The following ZNF268 variants were observed in gnomAD, a reference collection of about 807,000 sequenced individuals.
ZNF268 encodes zinc finger protein 268, also known as zinc finger protein 3.
In ZNF268, 20 loss-of-function variants were observed where a neutral mutation model predicts 29.3. The observed-to-expected ratio is 0.68, with a 90% confidence interval of 0.48 to 0.99. ZNF268 has a LOEUF of 0.99. Among genes scored for constraint, ZNF268 ranks in the 50% least tolerant of loss-of-function variants. The probability of loss-of-function intolerance (pLI) is 0.00; values close to 1 mark genes in which losing one functional copy is unlikely to be tolerated. For missense variants in ZNF268, 1,240 were observed against 1,121.6 expected (o/e 1.11, Z -1.51); for synonymous variants, 429 against 376.9 (o/e 1.14, Z -1.60).
rs1241043698 is a variant in ZNF268 at position 133,207,035 on chromosome 12, C to T, written c.*2505C>T. On this transcript the variant is annotated 3_prime_UTR_variant, in exon 6 of 6. Coordinates refer to ENST00000536435, the MANE Select transcript of ZNF268 (RefSeq NM_003415.3). ...GAAGTGTTGACAGTATTGAGGACAG[C>T]ACTCACATACTGTGGGAAAGAATAA... The T allele has an allele frequency of 6.6e-6, 1 of 152,172 alleles. No individual in the cohort carries two copies. The allele number at this position is 152,172 out of a possible 1,614,324, so 9.4% of individuals were successfully genotyped here.
intron 2 of ZNF268, among the ~76,000 whole-genome samples, chr12:133,182,840 C>T (rs1178401231): frequency 1.3e-5 from 2 of 152,116 alleles, no homozygotes; most frequent in African/African-American, 4.8e-5. Context: ...AGCCGTAGGC[C>T]TAAGATCATA....
At position 133,202,783 on chromosome 12, in the gene ZNF268, G is replaced by T. The variant is rs769826738; in HGVS notation, c.1097G>T (p.Gly366Val). ...GENPYECCECGKVFSRKDQLV... is the reference protein window; with the variant it reads ...GENPYECCECVKVFSRKDQLV... Reference sequence around the variant, plus strand: ...AATCCCTATGAGTGCTGTGAATGTGGGAAAGTCTTCAGTAGGAAAGACCAG... The same window carrying T: ...AATCCCTATGAGTGCTGTGAATGTGTGAAAGTCTTCAGTAGGAAAGACCAG... Residue 366 changes from glycine to valine, a missense_variant, in exon 6 of 6, where the codon GGG (glycine) becomes GTG (valine). Gly to Val is a moderately radical substitution (Grantham distance 109, BLOSUM62 -3). Around this residue, in one of 3 missense-constraint regions of ZNF268, gnomAD observed 1,177 missense variants for 1,039.6 expected, o/e 1.13. Coordinates refer to ENST00000536435, the MANE Select transcript of ZNF268 (RefSeq NM_003415.3). 3.1e-6 allele frequency: 5 copies of T among 1,610,090 alleles called. No homozygotes were observed. In the Admixed American group the frequency reaches 8.4e-5, roughly 27 times the overall value.
rs1430260242 is a variant in ZNF268, at chr12:133,206,324, A to T, written c.*1794A>T. ...GAAATGGATAAGTTGTCATTGAAAA[A>T]TTTTAAACAGAATTCTGGAGTGGTC... is the stretch of plus-strand genomic sequence containing the variant. On this transcript the variant is annotated 3_prime_UTR_variant, in exon 6 of 6. Transcript: ENST00000536435. 2.0e-5 allele frequency: 3 copies of T among 152,226 alleles called. No homozygotes were observed. Among genetic ancestry groups the T allele is most frequent in the African/African-American group, 7.2e-5 (3 of 41,460 alleles). The allele number at this position is 152,226 out of a possible 1,614,324, so 9.4% of individuals were successfully genotyped here.
In ZNF268 at chr12:133,213,648, A is replaced by G. The variant is rs1435770495; in HGVS notation, c.*9118A>G. 6.8e-6 allele frequency: 1 copy of G among 146,916 alleles called. No individual in the cohort carries two copies. Among genetic ancestry groups the G allele is most frequent in the Non-Finnish European group, 1.5e-5 (1 of 67,514 alleles). The allele number at this position is 146,916 out of a possible 1,614,324, so 9.1% of individuals were successfully genotyped here. A position where few individuals can be genotyped will look rare whatever the true frequency, so the allele number is the denominator to read the frequency against. Reference sequence around the variant, plus strand: ...GAGGTGGAGGTTGCAGTGAGCCGAGATCATGCTACTGCACTCCAGCCCAGG... The same window carrying G: ...GAGGTGGAGGTTGCAGTGAGCCGAGGTCATGCTACTGCACTCCAGCCCAGG... On this transcript the variant is annotated 3_prime_UTR_variant, in exon 6 of 6. Coordinates refer to ENST00000536435, the MANE Select transcript of ZNF268 (RefSeq NM_003415.3).
Position 133,202,928 on chromosome 12 carries a change from A to C in ZNF268, c.1242A>C (p.Lys414Asn). 1 of 1,545,692 alleles carries C rather than the reference A, an allele frequency of 6.5e-7. No homozygotes were observed. Among genetic ancestry groups the C allele is most frequent in the Non-Finnish European group, 8.7e-7 (1 of 1,149,784 alleles). The change falls in exon 6 of 6, where the codon AAA becomes AAC. Residue 414 changes from lysine to asparagine, a missense_variant. Transcript: ENST00000536435. ...IIHERIHTGE[K>N]PYECNECQKA... ...ATGAAAGAATTCATACAGGAGAGAA[A>C]CCATATGAATGCAATGAATGTCAGA...
chr12:133,183,220 T>C (rs1956222093), intron 2 of ZNF268, among the ~76,000 whole-genome samples: 1 of 151,988 alleles, frequency 6.6e-6, no homozygotes, highest in Non-Finnish European at 1.5e-5. Flanking sequence ...TTGGGGACTG[T>C]TGGTATAGGG....
intron 5 of ZNF268, among the ~76,000 whole-genome samples, chr12:133,201,094 T>A (rs1163663601): frequency 2.6e-5 from 4 of 152,148 alleles, no homozygotes; most frequent in African/African-American, 9.6e-5. Context: ...TATTTTTGTT[T>A]CTAAATTTGT....
In ZNF268 at chr12:133,206,868, ATAT is replaced by A. The variant is rs1956907401; in HGVS notation, c.*2346_*2348del. On this transcript the variant is annotated 3_prime_UTR_variant, in exon 6 of 6. Transcript: ENST00000536435. ...AATCTGGGAAATACTGTAAAGGTGTATATTATTATTGATGTACCAAAGAAGACA... is the reference window on the plus strand; with the variant it reads ...AATCTGGGAAATACTGTAAAGGTGTATATTATTGATGTACCAAAGAAGACA... 2 of 152,216 alleles carry A rather than the reference ATAT, an allele frequency of 1.3e-5. No homozygotes were observed. Among genetic ancestry groups the A allele is most frequent in the African/African-American group, 2.4e-5 (1 of 41,462 alleles). The allele number at this position is 152,216 out of a possible 1,614,324, so 9.4% of individuals were successfully genotyped here. A position where few individuals can be genotyped will look rare whatever the true frequency, so the allele number is the denominator to read the frequency against.
At chr12:133,181,896 GT>G in intron 1 of ZNF268, 49 bp from the exon 2 acceptor site, 1 of 1,335,640 alleles carries the variant, frequency 7.5e-7, no homozygotes. Context: ...CCCCCTCTGG[GT>G]TTGGGGACTG....
intron 5 of ZNF268, 103 bp downstream of exon 5, chr12:133,192,106 A>AAT: frequency 1.3e-5 from 10 of 768,934 alleles, no homozygotes; most frequent in Non-Finnish European, 1.9e-5. Context: ...ATTACCATGC[A>AAT]CTTTTTTTTT....
chr12:133,192,647 A>G (rs1468941562), intron 5 of ZNF268, among the ~76,000 whole-genome samples: 1 of 150,696 alleles, frequency 6.6e-6, no homozygotes, highest in African/African-American at 2.4e-5. Context: ...AGTAGATTCT[A>G]CCCCTTTTGT....
In ZNF268 at chr12:133,210,990, G is replaced by C; in HGVS notation, c.*6460G>C. ...GTGAACCCCTGAAATTCAATCTTAC[G>C]ATTTTCCATGCCATAATTTTGGAAA... On this transcript the variant is annotated 3_prime_UTR_variant, in exon 6 of 6. Transcript: ENST00000536435. 1 of 455,934 alleles carries C rather than the reference G, an allele frequency of 2.2e-6. No individual in the cohort carries two copies. Among genetic ancestry groups the C allele is most frequent in the South Asian group, 1.5e-5 (1 of 64,554 alleles). The allele number at this position is 455,934 out of a possible 1,614,324, so 28.2% of individuals were successfully genotyped here.
intron 5 of ZNF268, among the ~76,000 whole-genome samples, chr12:133,199,592 A>G (rs985675296): frequency 1.5e-4 from 23 of 151,688 alleles, no homozygotes; most frequent in African/African-American, 5.1e-4. Flanking sequence ...TATTGATTGG[A>G]ATAGTTTCAG....
chr12:133,210,226 C>T lies in ZNF268; in HGVS notation c.*5696C>T, dbSNP rs1303763819. The T allele has an allele frequency of 6.6e-6, 1 of 152,650 alleles. No individual in the cohort carries two copies. Among genetic ancestry groups the T allele is most frequent in the African/African-American group, 2.4e-5 (1 of 41,454 alleles). The allele number at this position is 152,650 out of a possible 1,614,324, so 9.5% of individuals were successfully genotyped here. ...GGTCCGGAAAGTGCACTGGTCGTCA[C>T]TGTGGGTGTACCCTACAGGAGTCTT... On this transcript the variant is annotated 3_prime_UTR_variant, in exon 6 of 6. Transcript: ENST00000536435.
At chr12:133,189,413 C>G (rs1050679649) in intron 3 of ZNF268, among the ~76,000 whole-genome samples, 1 of 152,002 alleles carries the variant, frequency 6.6e-6, no homozygotes, top group Non-Finnish European at 1.5e-5. Context: ...CAGGGTTTCA[C>G]CATGTTGGCC....
intron 5 of ZNF268, among the ~76,000 whole-genome samples, chr12:133,201,535 T>C (rs944674321): frequency 2.0e-5 from 3 of 152,118 alleles, no homozygotes; most frequent in Non-Finnish European, 4.4e-5. Flanking sequence ...TAATTTTTGT[T>C]ACATTGTAGA....
rs750819157 is a variant in ZNF268 at position 133,204,247 on chromosome 12, A to G, written c.2561A>G (p.His854Arg). 6.5e-6 allele frequency: 10 copies of G among 1,545,666 alleles called. No homozygotes were observed. The highest frequency in any genetic ancestry group is 1.2e-5 in the South Asian group (1 of 84,472). The stretch of plus-strand genomic sequence containing the variant: ...AGTGGGAAATTACGCCTTCTTGTAC[A>G]CCAGAGAATGCACACAAGAGAGAAA... ...SFSGKLRLLV[H>R]QRMHTREKPY... is the part of the protein sequence containing the mutation. The change falls in exon 6 of 6, where the codon CAC becomes CGC. Residue 854 changes from histidine (H) to arginine (R), a missense_variant. Physicochemically the swap from His to Arg is conservative, Grantham distance 29. This residue lies in a region of ZNF268 where 1,177 missense variants were observed against 1,039.6 expected (regional missense o/e 1.13). Transcript: ENST00000536435.
chr12:133,204,222 A>G lies in ZNF268; in HGVS notation c.2536A>G (p.Ser846Gly). The G allele has an allele frequency of 6.5e-7, 1 of 1,541,500 alleles. No homozygotes were observed. Among genetic ancestry groups the G allele is most frequent in the East Asian group, 2.4e-5 (1 of 40,960 alleles). The change falls in exon 6 of 6, where the codon AGT becomes GGT. Residue 846 changes from serine (S) to glycine (G), a missense_variant. Around this residue, in one of 3 missense-constraint regions of ZNF268, gnomAD observed 1,177 missense variants for 1,039.6 expected, o/e 1.13. Coordinates refer to ENST00000536435, the MANE Select transcript of ZNF268 (RefSeq NM_003415.3). ...YKCSQCEKSF[S>G]GKLRLLVHQR... ...ATGCAGTCAATGTGAGAAATCCTTC[A>G]GTGGGAAATTACGCCTTCTTGTACA...
intron 3 of ZNF268, among the ~76,000 whole-genome samples, chr12:133,189,354 A>G (rs1387801609): frequency 6.6e-6 from 1 of 151,538 alleles, no homozygotes; most frequent in African/African-American, 2.4e-5. Flanking sequence ...AGCTGGGACT[A>G]CAGGTGCGCA....
Sources: allele counts gnomAD v4.1 joint callset (sites outside exome capture counted in the v4.1 genomes callset), GRCh38; gene constraint gnomAD v4.1.1; regional missense constraint gnomAD v4.1.1; transcripts MANE v1.5; gene names NCBI Gene and HGNC (gene_info 2026-07-23, HGNC 2026-07-21).